The following CPXM2 variants were observed in gnomAD, a reference collection of about 807,000 sequenced individuals.
The protein encoded by CPXM2 is carboxypeptidase X, M14 family member 2.
In CPXM2, 66 loss-of-function variants were observed where a neutral mutation model predicts 86.1. The observed-to-expected ratio is 0.77, with a 90% confidence interval of 0.63 to 0.94. The LOEUF is 0.94. CPXM2 is among the 40% of genes least tolerant of loss of function. The probability of loss-of-function intolerance (pLI) is 0.00; values close to 1 mark genes in which losing one functional copy is unlikely to be tolerated. For synonymous variants in CPXM2, 388 were observed against 400.2 expected, an observed-to-expected ratio of 0.97 and a Z score of 0.36; for missense variants, 948 against 1,026.3, an observed-to-expected ratio of 0.92 and a Z score of 1.04.
At chr10:123,878,103 G>A (rs559106109) in intron 2 of CPXM2, among the ~76,000 whole-genome samples, 1 of 152,010 alleles carries the variant, frequency 6.6e-6, no homozygotes, top group Non-Finnish European at 1.5e-5. Context: ...TGGACTCAGG[G>A]TTTGAGAATG....
intron 2 of CPXM2, among the ~76,000 whole-genome samples, chr10:123,864,718 T>C (rs1161694236): frequency 1.3e-5 from 2 of 152,180 alleles, no homozygotes; most frequent in African/African-American, 4.8e-5. Context: ...CATATATAGA[T>C]CATGTACCAG....
chr10:123,754,836 T>G lies in CPXM2; in HGVS notation c.1918-74A>C. ...ACACAACCGGCACAACAGAGTGGGC[T>G]GTCAACCCACCATTGGCCGGTTCCC... On this transcript the variant is annotated intron_variant, in intron 12 of 13. Coordinates refer to ENST00000241305, the MANE Select transcript of CPXM2 (RefSeq NM_198148.3). The surrounding 1 kb of genome is among the most constrained non-coding windows in gnomAD (Gnocchi z 4.0). The G allele has an allele frequency of 2.4e-6, 2 of 836,540 alleles. No individual in the cohort carries two copies. The highest frequency in any genetic ancestry group is 2.4e-5 in the East Asian group (1 of 41,200). The allele number at this position is 836,540 out of a possible 1,614,324, so 51.8% of individuals were successfully genotyped here.
chr10:123,783,983 G>T (rs1011107950), intron 6 of CPXM2, among the ~76,000 whole-genome samples: 1 of 152,168 alleles, frequency 6.6e-6, no homozygotes, highest in Non-Finnish European at 1.5e-5. Flanking sequence ...ATTCTGCTCT[G>T]TCCAAATTGG....
chr10:123,824,108 C>A (rs1847992031), intron 4 of CPXM2, among the ~76,000 whole-genome samples: 1 of 152,102 alleles, frequency 6.6e-6, no homozygotes, highest in Admixed American at 6.5e-5. Context: ...GACTAAAAAG[C>A]AAAATTTCTT....
intron 4 of CPXM2, among the ~76,000 whole-genome samples, chr10:123,841,274 G>GCTCTAC (rs1051398334): frequency 6.6e-6 from 1 of 152,182 alleles, no homozygotes; most frequent in African/African-American, 2.4e-5. Flanking sequence ...CAGGGATGCA[G>GCTCTAC]CTCTACCTCC....
intron 1 of CPXM2, among the ~76,000 whole-genome samples, chr10:123,884,207 T>G (rs1015697956): frequency 6.6e-6 from 1 of 152,184 alleles, no homozygotes; most frequent in Non-Finnish European, 1.5e-5. Context: ...GGTCCTTGTC[T>G]GCTTCTGCTT....
intron 6 of CPXM2, among the ~76,000 whole-genome samples, chr10:123,789,095 C>T (rs1426388693): frequency 1.3e-5 from 2 of 152,148 alleles, no homozygotes; most frequent in African/African-American, 4.8e-5. Flanking sequence ...CACGAAACCC[C>T]TCCCACAAAG....
intron 2 of CPXM2, among the ~76,000 whole-genome samples, chr10:123,920,949 A>G (rs1402897397): frequency 1.3e-5 from 2 of 152,198 alleles, no homozygotes; most frequent in Non-Finnish European, 2.9e-5. Context: ...CTATTCTTGG[A>G]CTTCCCAGCC....
At chr10:123,785,512 A>G (rs1847033171) in intron 6 of CPXM2, among the ~76,000 whole-genome samples, 2 of 152,132 alleles carry the variant, frequency 1.3e-5, no homozygotes, top group Admixed American at 1.3e-4. Context: ...GTGTCGTTGG[A>G]ACCCCTCAGT....
chr10:123,928,123 G>C (rs567762221), intron 2 of CPXM2, among the ~76,000 whole-genome samples: 103 of 152,174 alleles, frequency 6.8e-4, no homozygotes, highest in Non-Finnish European at 1.2e-3. Flanking sequence ...CCTTCTGCGA[G>C]ACCTTCATAG....
Position 123,762,125 on chromosome 10 carries a change from G to A in CPXM2, c.1524C>T (p.Ile508=), listed in dbSNP as rs1460990901. ...GCAGGTTGCCGCCCAGCACAAAAGG[G>A]ATTTTTTCCATCCAGGCTATGACTG... ...TRAVIAWMEK[I]PFVLGGNLQG... Residue 508 remains isoleucine, a synonymous_variant, in exon 11 of 14, where the codon ATC becomes ATT. Transcript: ENST00000241305. The A allele has an allele frequency of 6.8e-5, 109 of 1,614,022 alleles. No homozygotes were observed. Among genetic ancestry groups the A allele is most frequent in the Non-Finnish European group, 8.8e-5 (104 of 1,180,052 alleles).
At chr10:123,938,142 T>C (rs901610801) in intron 2 of CPXM2, among the ~76,000 whole-genome samples, 2 of 152,210 alleles carry the variant, frequency 1.3e-5, no homozygotes, top group African/African-American at 2.4e-5. Context: ...CAGTGGTCAA[T>C]GTTTCTAACA....
At chr10:123,936,830 A>ATCTTCC (rs1249020113) in intron 2 of CPXM2, among the ~76,000 whole-genome samples, 2 of 151,634 alleles carry the variant, frequency 1.3e-5, no homozygotes, top group African/African-American at 2.4e-5. Context: ...TGCCTTCCTC[A>ATCTTCC]TCTTCCTCTT....
intron 2 of CPXM2, chr10:123,931,706 C>A (rs1318032327): frequency 2.0e-5 from 3 of 152,226 alleles, no homozygotes; most frequent in African/African-American, 7.2e-5. Flanking sequence ...CCACTACACT[C>A]ATTTTAAATG....
intron 6 of CPXM2, among the ~76,000 whole-genome samples, chr10:123,790,035 G>GCACT: frequency 2.6e-5 from 4 of 152,128 alleles, no homozygotes; most frequent in Non-Finnish European, 4.4e-5. Context: ...GGAGAATGGT[G>GCACT]TGAACCCAGG....
chr10:123,752,404 T>C (rs7082842), intron 13 of CPXM2: 922,771 of 984,620 alleles, frequency 0.94, 433,131 homozygotes, highest in Non-Finnish European at 0.95. Flanking sequence ...AGTAACTAGA[T>C]GGGAAAAATG....
intron 4 of CPXM2, among the ~76,000 whole-genome samples, chr10:123,806,014 C>A (rs2134082743): frequency 6.6e-6 from 1 of 152,210 alleles, no homozygotes; most frequent in East Asian, 1.9e-4. Context: ...ATAAAATATT[C>A]CTACTACTGT....
intron 10 of CPXM2, among the ~76,000 whole-genome samples, chr10:123,762,755 G>A (rs934531074): frequency 6.6e-6 from 1 of 152,194 alleles, no homozygotes; most frequent in African/African-American, 2.4e-5. Context: ...GCTAAAATTT[G>A]AAAGTTTGAT....
intron 4 of CPXM2, among the ~76,000 whole-genome samples, chr10:123,824,497 T>C (rs1007194728): frequency 2.0e-5 from 3 of 152,148 alleles, no homozygotes; most frequent in African/African-American, 7.2e-5. Context: ...AGAAGCTTCC[T>C]AGCAGGCATG....
Sources: gnomAD v4.1 joint callset for allele counts (sites outside exome capture counted in the v4.1 genomes callset) on GRCh38, gnomAD v4.1.1 for gene constraint, Gnocchi (gnomAD v3.1) non-coding constraint, MANE v1.5 for transcripts, NCBI Gene and HGNC (gene_info 2026-07-23, HGNC 2026-07-21) for gene names.